HERC1: variants seen among roughly 807,000 people sequenced by gnomAD.
HERC1 encodes probable E3 ubiquitin-protein ligase HERC1.
In HERC1, 160 loss-of-function variants were observed where a neutral mutation model predicts 554.3. The observed-to-expected ratio is 0.29, with a 90% CI of 0.25 to 0.33. The LOEUF (loss-of-function observed/expected upper bound fraction) is 0.33. HERC1 is among the 10% of genes least tolerant of loss of function. The pLI, the probability that HERC1 is intolerant of heterozygous loss-of-function variation, is 1.00. For synonymous variants in HERC1, 2,175 were observed against 2,131.7 expected (o/e 1.02, Z -0.56); for missense variants, 4,919 against 5,918.5 (o/e 0.83, Z 5.54).
intron 33 of HERC1, among the ~76,000 whole-genome samples, chr15:63,689,278 G>A (rs1204512707): frequency 1.3e-5 from 2 of 152,210 alleles, no homozygotes; most frequent in Non-Finnish European, 2.9e-5. Context: ...GATAAATGGT[G>A]GGGTTGAAGA....
intron 2 of HERC1, among the ~76,000 whole-genome samples, chr15:63,773,444 C>CAAA (rs370465670): frequency 2.7e-5 from 2 of 72,918 alleles, no homozygotes; most frequent in Admixed American, 1.5e-4. Context: ...GACTCTGTCT[C>CAAA]AAAAAAAAAA....
chr15:63,706,872 A>G, intron 24 of HERC1, 41 bp from the exon 25 acceptor site: 1 of 1,287,376 alleles, frequency 7.8e-7, no homozygotes, highest in Non-Finnish European at 1.1e-6. Context: ...TTTAGTTGTG[A>G]AAAGTATTTT....
At chr15:63,781,924 T>C (rs2076300590) in intron 1 of HERC1, among the ~76,000 whole-genome samples, 1 of 152,190 alleles carries the variant, frequency 6.6e-6, no homozygotes, top group Admixed American at 6.5e-5. Context: ...CCAGTCACAA[T>C]ATTCCCTTAA....
chr15:63,776,370 T>A (rs888394586), intron 1 of HERC1, among the ~76,000 whole-genome samples: 38 of 152,194 alleles, frequency 2.5e-4, no homozygotes, highest in African/African-American at 8.9e-4. Flanking sequence ...GGTAACTCCA[T>A]CCTTCTAGTT....
At chr15:63,779,273 A>G (rs2076208767) in intron 1 of HERC1, among the ~76,000 whole-genome samples, 1 of 152,190 alleles carries the variant, frequency 6.6e-6, no homozygotes, top group Non-Finnish European at 1.5e-5. Context: ...TACTTGAGAA[A>G]ATTAACCCAG....
chr15:63,632,503 A>C lies in HERC1; in HGVS notation c.12796+206T>G, dbSNP rs1466635315. 4 of 642,234 alleles carry C rather than the reference A, an allele frequency of 6.2e-6. No individual in the cohort carries two copies. In the East Asian group the frequency reaches 1.2e-4, roughly 19 times the overall value. The allele number at this position is 642,234 out of a possible 1,614,324, so 39.8% of individuals were successfully genotyped here. On this transcript the variant is annotated intron_variant, in intron 68 of 77. Transcript: ENST00000443617. ...TAGCAAGAGTGCTGGCTCTGGCATA[A>C]GGGGTCTTAATGGGGAGGGGAGTTT...
intron 24 of HERC1, among the ~76,000 whole-genome samples, chr15:63,710,998 ACT>A (rs1193223744): frequency 2.6e-5 from 4 of 152,172 alleles, no homozygotes; most frequent in Admixed American, 1.3e-4. Flanking sequence ...TCATTGCAGG[ACT>A]CTGAGCAGAG....
Position 63,727,603 on chromosome 15 carries a change from C to G in HERC1, c.3346+44G>C. The stretch of plus-strand genomic sequence containing the variant: ...ACAGTGATGTGTGCAAGAGGAACAA[C>G]TTTTCTCAAAGGCATTATTTGCTCT... On this transcript the variant is annotated intron_variant, in intron 17 of 77. Transcript: ENST00000443617. This position sits in a 1 kb window ranked among gnomAD's most constrained non-coding sequence, Gnocchi z 4.3. The G allele has an allele frequency of 6.9e-7, 1 of 1,459,306 alleles. No individual in the cohort carries two copies. The highest frequency in any genetic ancestry group is 9.4e-7 in the Non-Finnish European group (1 of 1,063,706). The allele number at this position is 1,459,306 out of a possible 1,614,324, so 90.4% of individuals were successfully genotyped here. A position where few individuals can be genotyped will look rare whatever the true frequency, so the allele number is the denominator to read the frequency against.
At chr15:63,810,085 G>A (rs969165723) in intron 1 of HERC1, among the ~76,000 whole-genome samples, 1 of 152,040 alleles carries the variant, frequency 6.6e-6, no homozygotes, top group Non-Finnish European at 1.5e-5. Flanking sequence ...ACAATTATTT[G>A]GAATGTATTA....
chr15:63,712,960 T>C (rs887375665), intron 23 of HERC1, 65 bp from the exon 24 acceptor site: 3 of 1,469,176 alleles, frequency 2.0e-6, no homozygotes, highest in Non-Finnish European at 2.8e-6. Flanking sequence ...TAAAATTGAA[T>C]GGAATTGGAG....
intron 2 of HERC1, among the ~76,000 whole-genome samples, chr15:63,771,654 A>C (rs1166754499): frequency 6.6e-6 from 1 of 151,748 alleles, no homozygotes; most frequent in East Asian, 1.9e-4. Flanking sequence ...CTTGTCTCAA[A>C]ACTCCTGACC....
intron 25 of HERC1, among the ~76,000 whole-genome samples, chr15:63,699,268 AAAAG>A (rs553049164): frequency 3.9e-5 from 6 of 152,248 alleles, no homozygotes; most frequent in Non-Finnish European, 8.8e-5. Flanking sequence ...TGCCACAAGA[AAAAG>A]AAAGGCAGAA....
At position 63,681,766 on chromosome 15, in the gene HERC1, C is replaced by T. The variant is rs143087202; in HGVS notation, c.6226-990G>A. On this transcript the variant is annotated intron_variant, in intron 34 of 77. Coordinates refer to ENST00000443617, the MANE Select transcript of HERC1 (RefSeq NM_003922.4). ...CCAGTAAAAACCTTGGGTTCTGAAT[C>T]TCTAATGGGGTTCTCTAGAAACATC... is the stretch of plus-strand genomic sequence containing the variant. Among the ~76,000 whole-genome samples, 690 of 152,222 alleles carry T rather than the reference C, an allele frequency of 4.5e-3. 4 individuals carry two copies. The highest frequency in any genetic ancestry group is 0.016 in the African/African-American group (644 of 41,536).
Position 63,645,088 on chromosome 15 carries a change from C to A in HERC1, c.11088G>T (p.Gln3696His). The change falls in exon 57 of 78, where the codon CAG (glutamine) becomes CAT (histidine). Residue 3696 changes from glutamine to histidine, a missense_variant. Coordinates refer to ENST00000443617, the MANE Select transcript of HERC1 (RefSeq NM_003922.4). ...KLQLLMATGC[Q>H]SGLVCVWRIP... Reference sequence around the variant, plus strand: ...TGCGCCAAACACATACTAAGCCACTCTGACAGCCACTTAAAAAAATTGATC... The same window carrying A: ...TGCGCCAAACACATACTAAGCCACTATGACAGCCACTTAAAAAAATTGATC... 2 of 1,613,554 alleles carry A rather than the reference C, an allele frequency of 1.2e-6. No homozygotes were observed. Among genetic ancestry groups the A allele is most frequent in the Non-Finnish European group, 1.7e-6 (2 of 1,179,564 alleles).
chr15:63,785,885 T>C (rs1207563563), intron 1 of HERC1, among the ~76,000 whole-genome samples: 1 of 152,180 alleles, frequency 6.6e-6, no homozygotes, highest in African/African-American at 2.4e-5. Flanking sequence ...CTTTTTCTTT[T>C]TTAGAGACAG....
intron 21 of HERC1, among the ~76,000 whole-genome samples, chr15:63,716,727 A>C (rs1403995277): frequency 6.6e-6 from 1 of 152,134 alleles, no homozygotes; most frequent in Non-Finnish European, 1.5e-5. Context: ...AAATTTATTC[A>C]TATCTATATT....
chr15:63,629,528 A>C lies in HERC1; in HGVS notation c.12967-713T>G, dbSNP rs545295249. On this transcript the variant is annotated intron_variant, in intron 69 of 77. Coordinates refer to ENST00000443617, the MANE Select transcript of HERC1 (RefSeq NM_003922.4). ...TATGGAAGCAAATTCTAATCTCCAA[A>C]CCTCTATACTTAGGGTCTGACTGGG... Among the ~76,000 whole-genome samples, 21 of 152,300 alleles carry C rather than the reference A, an allele frequency of 1.4e-4. No homozygotes were observed. In the South Asian group the frequency reaches 4.1e-3, roughly 30 times the overall value.
intron 71 of HERC1, 80 bp from the exon 72 acceptor site, chr15:63,624,407 A>T: frequency 1.5e-6 from 2 of 1,362,398 alleles, no homozygotes; most frequent in Non-Finnish European, 2.0e-6. Context: ...TAGAACATAC[A>T]TTATTTTGGC....
chr15:63,686,649 T>C (rs1038310252), intron 33 of HERC1, 114 bp from the exon 34 acceptor site: 22 of 826,614 alleles, frequency 2.7e-5, no homozygotes, highest in Non-Finnish European at 3.7e-5. Context: ...CTACTATGAA[T>C]CAGTTACTGT....
Sources: gnomAD v4.1 joint callset for allele counts (sites outside exome capture counted in the v4.1 genomes callset) on GRCh38, gnomAD v4.1.1 for gene constraint, Gnocchi (gnomAD v3.1) non-coding constraint, MANE v1.5 for transcripts, NCBI Gene and HGNC (gene_info 2026-07-23, HGNC 2026-07-21) for gene names.